GHR: variants seen among roughly 807,000 people sequenced by gnomAD.
The protein encoded by GHR is growth hormone receptor, also known as GH receptor.
A neutral mutation model predicts 67.1 loss-of-function variants in GHR; 35 were observed. The observed-to-expected ratio is 0.52, with a 90% CI of 0.40 to 0.69. The LOEUF is 0.69. Ranked by LOEUF, GHR falls within the 30% of genes least tolerant of loss-of-function variation. GHR has a pLI of 0.00. For missense variants in GHR, 792 were observed against 764.6 expected (o/e 1.04, Z -0.42); for synonymous variants, 272 against 269.1 (o/e 1.01, Z -0.10).
At chr5:42,456,416 C>A (rs928996232) in intron 1 of GHR, among the ~76,000 whole-genome samples, 2 of 152,138 alleles carry the variant, frequency 1.3e-5, no homozygotes, top group Non-Finnish European at 2.9e-5. Flanking sequence ...TAAGGTAGGA[C>A]TAAAAATCAT....
chr5:42,691,288 C>T (rs1318641210), intron 4 of GHR, among the ~76,000 whole-genome samples: 1 of 152,206 alleles, frequency 6.6e-6, no homozygotes, highest in African/African-American at 2.4e-5. Context: ...CCAACCCAAA[C>T]TTACAAAATT....
At position 42,558,147 on chromosome 5, in the gene GHR, T is replaced by C. The variant is rs139988959; in HGVS notation, c.-11-7717T>C. ...GATTCAAATCGGGACATAATAATTGTATTTCTGAAGGTAAACAAATGCACA... is the reference window on the plus strand; with the variant it reads ...GATTCAAATCGGGACATAATAATTGCATTTCTGAAGGTAAACAAATGCACA... On this transcript the variant is annotated intron_variant, in intron 1 of 9. Coordinates refer to ENST00000230882, the MANE Select transcript of GHR (RefSeq NM_000163.5). 4.2e-3 allele frequency among the ~76,000 whole-genome samples: 638 copies of C among 152,254 alleles called. 3 individuals are homozygous for C. The highest frequency in any genetic ancestry group is 0.015 in the African/African-American group (613 of 41,528).
chr5:42,613,648 T>G (rs567681262), intron 2 of GHR, among the ~76,000 whole-genome samples: 1 of 152,154 alleles, frequency 6.6e-6, no homozygotes, highest in South Asian at 2.1e-4. Flanking sequence ...AGAACAGCTA[T>G]TAGAAAATAG....
intron 1 of GHR, among the ~76,000 whole-genome samples, chr5:42,555,122 T>C (rs1749238330): frequency 6.6e-6 from 1 of 152,194 alleles, no homozygotes; most frequent in Admixed American, 6.5e-5. Flanking sequence ...TCTGGCCAAA[T>C]AGACTTCTAT....
intron 1 of GHR, among the ~76,000 whole-genome samples, chr5:42,473,299 C>T (rs1292883081): frequency 6.6e-5 from 10 of 152,120 alleles, no homozygotes; most frequent in Admixed American, 6.5e-4. Flanking sequence ...GGCGCGATCT[C>T]GGGTCCCTGC....
chr5:42,481,730 C>A (rs1008007382), intron 1 of GHR, among the ~76,000 whole-genome samples: 11 of 152,188 alleles, frequency 7.2e-5, no homozygotes, highest in Non-Finnish European at 1.6e-4. Context: ...GTTTTCAGCT[C>A]CATCAGGTCC....
At chr5:42,552,161 G>A (rs746211151) in intron 1 of GHR, among the ~76,000 whole-genome samples, 11 of 152,130 alleles carry the variant, frequency 7.2e-5, no homozygotes, top group Admixed American at 5.2e-4. Context: ...TTATGTTGTG[G>A]TGGTCCCGTA....
intron 1 of GHR, among the ~76,000 whole-genome samples, chr5:42,529,479 T>G (rs1398430252): frequency 6.6e-6 from 1 of 152,200 alleles, no homozygotes; most frequent in Non-Finnish European, 1.5e-5. Flanking sequence ...AAAATCATGG[T>G]CACCTCATTA....
At position 42,612,011 on chromosome 5, in the gene GHR, A is replaced by C. The variant is rs145951087; in HGVS notation, c.71-17027A>C. On this transcript the variant is annotated intron_variant, in intron 2 of 9. Coordinates refer to ENST00000230882, the MANE Select transcript of GHR (RefSeq NM_000163.5). The stretch of plus-strand genomic sequence containing the variant: ...ACCCATGTGTGATGTATGCCTTTGT[A>C]TCCTATCAGATTATATGATTTTGGA... Among the ~76,000 whole-genome samples, 661 of 152,274 alleles carry C rather than the reference A, an allele frequency of 4.3e-3. 4 individuals are homozygous for C. The highest frequency in any genetic ancestry group is 0.015 in the African/African-American group (639 of 41,562).
At chr5:42,456,171 T>C (rs2202883) in intron 1 of GHR, among the ~76,000 whole-genome samples, 34,518 of 151,976 alleles carry the variant, frequency 0.23, 4,373 homozygotes, top group African/African-American at 0.32. Context: ...ATTAGCTGGG[T>C]GTGGTGGTAC....
chr5:42,578,096 G>A (rs1271159364), intron 2 of GHR, among the ~76,000 whole-genome samples: 2 of 152,046 alleles, frequency 1.3e-5, no homozygotes, highest in Admixed American at 6.6e-5. Context: ...TATGGTGGGA[G>A]GCGTGTCCTG....
intron 3 of GHR, among the ~76,000 whole-genome samples, chr5:42,685,539 A>T (rs1035283931): frequency 1.3e-5 from 2 of 152,346 alleles, no homozygotes; most frequent in Admixed American, 1.3e-4. Context: ...ACAATGGTTG[A>T]ACTAATTTAC....
At chr5:42,447,331 T>A (rs1743847889) in intron 1 of GHR, among the ~76,000 whole-genome samples, 1 of 152,112 alleles carries the variant, frequency 6.6e-6, no homozygotes, top group Admixed American at 6.5e-5. Context: ...AAGTCTATTA[T>A]ATTATTCTTA....
In GHR at chr5:42,689,022, GC is replaced by G; in HGVS notation, c.266+5del. On this transcript the variant is annotated splice_donor_region_variant and intron_variant, in intron 4 of 9. Transcript: ENST00000230882. ...ATACAGCTGTTCTATACCAGAAGGTGCCACCATCATGCCTTTCTGATTTTCC... is the reference window on the plus strand; with the variant it reads ...ATACAGCTGTTCTATACCAGAAGGTGCACCATCATGCCTTTCTGATTTTCC... 1 of 1,613,252 alleles carries G rather than the reference GC, an allele frequency of 6.2e-7. No individual in the cohort carries two copies. Among genetic ancestry groups the G allele is most frequent in the Non-Finnish European group, 8.5e-7 (1 of 1,179,198 alleles).
intron 1 of GHR, among the ~76,000 whole-genome samples, chr5:42,463,025 G>A (rs931363939): frequency 6.6e-6 from 1 of 151,800 alleles, no homozygotes; most frequent in South Asian, 2.1e-4. Context: ...AAATAAGGAG[G>A]TAGATTTATT....
At chr5:42,633,477 C>T (rs1754025494) in intron 3 of GHR, among the ~76,000 whole-genome samples, 1 of 152,154 alleles carries the variant, frequency 6.6e-6, no homozygotes. Context: ...TTTTGCAGGA[C>T]AAAAATTTAA....
At chr5:42,686,490 C>T (rs552887573) in intron 3 of GHR, among the ~76,000 whole-genome samples, 61 of 152,268 alleles carry the variant, frequency 4.0e-4, no homozygotes, top group African/African-American at 1.2e-3. Context: ...CCGATCAAGT[C>T]GGCTTCATCC....
In GHR at chr5:42,600,918, C is replaced by CTTTTTTTT. The variant is rs933355797; in HGVS notation, c.71-28102_71-28095dup. ...GAAATTAAAATCTATTCTTTCTATT[C>CTTTTTTTT]TTTTTTTTTTTTTTTTTTTTTTTTT... On this transcript the variant is annotated intron_variant, in intron 2 of 9. Coordinates refer to ENST00000230882, the MANE Select transcript of GHR (RefSeq NM_000163.5). Among the ~76,000 whole-genome samples, 444 of 66,712 alleles carry CTTTTTTTT rather than the reference C, an allele frequency of 6.7e-3. 8 individuals carry two copies. The highest frequency in any genetic ancestry group is 9.3e-3 in the African/African-American group (147 of 15,834). 43.8% of individuals were successfully genotyped at this position (66,712 alleles called of 152,430 possible). A position where few individuals can be genotyped will look rare whatever the true frequency, so the allele number is the denominator to read the frequency against.
chr5:42,718,331 T>TTA, intron 9 of GHR, 122 bp from the exon 10 acceptor site: 4 of 808,738 alleles, frequency 4.9e-6, no homozygotes, highest in South Asian at 1.6e-5. Context: ...TTATGTTTTT[T>TTA]TATATGTTTT....
Sources: gnomAD v4.1 joint callset for allele counts (sites outside exome capture counted in the v4.1 genomes callset) on GRCh38, gnomAD v4.1.1 for gene constraint, MANE v1.5 for transcripts, NCBI Gene and HGNC (gene_info 2026-07-23, HGNC 2026-07-21) for gene names.